Variants in RFTN1 observed in about 807,000 individuals in gnomAD.
RFTN1 encodes the protein raftlin.
RFTN1 carries 26 observed loss-of-function variants against 46.5 expected under a neutral mutation model. The ratio of observed to expected loss-of-function variants is 0.56; its 90% CI spans 0.41 to 0.78. RFTN1 has a LOEUF of 0.78. Ranked by LOEUF, RFTN1 falls within the 30% of genes least tolerant of loss-of-function variation. The probability of loss-of-function intolerance (pLI) is 0.00; values close to 1 mark genes in which losing one functional copy is unlikely to be tolerated. For synonymous variants in RFTN1, 261 were observed against 284.2 expected, an observed-to-expected ratio of 0.92 and a Z score of 0.82; for missense variants, 693 against 718.7, an observed-to-expected ratio of 0.96 and a Z score of 0.41.
At chr3:16,372,403 G>T (rs1219988931) in intron 5 of RFTN1, among the ~76,000 whole-genome samples, 1 of 152,194 alleles carries the variant, frequency 6.6e-6, no homozygotes, top group Non-Finnish European at 1.5e-5. Flanking sequence ...TCCCGAGAAT[G>T]GCTGCAGGTA....
Position 16,509,376 on chromosome 3 carries a change from C to A in RFTN1, c.-9+4066G>T, listed in dbSNP as rs1407572571. Reference sequence around the variant, plus strand: ...ATGTCACAGTCTCTTCCCTTAAGGTCTTAGAAAAATGAAAACGTGAACTTA... The same window carrying A: ...ATGTCACAGTCTCTTCCCTTAAGGTATTAGAAAAATGAAAACGTGAACTTA... On this transcript the variant is annotated intron_variant, in intron 1 of 9. Coordinates refer to ENST00000334133, the MANE Select transcript of RFTN1 (RefSeq NM_015150.2). This position sits in a 1 kb window ranked among gnomAD's most constrained non-coding sequence, Gnocchi z 4.9. 6.6e-6 allele frequency among the ~76,000 whole-genome samples: 1 copy of A among 152,154 alleles called. No individual in the cohort carries two copies. The highest frequency in any genetic ancestry group is 1.5e-5 in the Non-Finnish European group (1 of 68,026).
chr3:16,441,773 G>C (rs1366355558), intron 2 of RFTN1, among the ~76,000 whole-genome samples: 2 of 152,112 alleles, frequency 1.3e-5, no homozygotes, highest in Non-Finnish European at 2.9e-5. Flanking sequence ...CAATTCCCTC[G>C]GGAAATTTCC....
Position 16,377,810 on chromosome 3 carries a change from T to C in RFTN1, c.734A>G (p.Asp245Gly). 1 of 1,614,106 alleles carries C rather than the reference T, an allele frequency of 6.2e-7. No individual in the cohort carries two copies. Among genetic ancestry groups the C allele is most frequent in the South Asian group, 1.1e-5 (1 of 91,076 alleles). Residue 245 changes from aspartate to glycine, a missense_variant, in exon 5 of 10, where the codon GAT (aspartate) becomes GGT (glycine). Physicochemically the swap from Asp to Gly is moderately conservative, Grantham distance 94 (BLOSUM62 -1). Coordinates refer to ENST00000334133, the MANE Select transcript of RFTN1 (RefSeq NM_015150.2). ...CCCCTGTGGTGAAAGTTCTCCACCA[T>C]CTCCCTCTCCGGAGGGTGAGCTGGG... ...KQPSSPSGEG[D>G]GGELSPQGVS...
rs1173458707 is a variant in RFTN1, at chr3:16,345,824, GCGCGTGCGCGCA to G, written c.1146+12096_1146+12107del. On this transcript the variant is annotated intron_variant, in intron 7 of 9. Coordinates refer to ENST00000334133, the MANE Select transcript of RFTN1 (RefSeq NM_015150.2). This position sits in a 1 kb window ranked among gnomAD's most constrained non-coding sequence, Gnocchi z 5.2. ...TGTGTGTGTGTGTGTGTGTGCGCGC[GCGCGTGCGCGCA>G]CGCGCACATGTGCATGTGTATGTGT... Among the ~76,000 whole-genome samples, 1,025 of 73,062 alleles carry G rather than the reference GCGCGTGCGCGCA, an allele frequency of 0.014. 13 individuals are homozygous for G. Among genetic ancestry groups the G allele is most frequent in the Middle Eastern group, 0.033 (4 of 122 alleles). 47.9% of individuals were successfully genotyped at this position (73,062 alleles called of 152,430 possible).
In RFTN1 at chr3:16,376,268, C is replaced by T. The variant is rs1026067258; in HGVS notation, c.826+1450G>A. 6.6e-6 allele frequency among the ~76,000 whole-genome samples: 1 copy of T among 152,166 alleles called. No individual in the cohort carries two copies. Among genetic ancestry groups the T allele is most frequent in the African/African-American group, 2.4e-5 (1 of 41,440 alleles). Reference sequence around the variant, plus strand: ...CTTTAACCTTTCCATGAGAAACTATCGTTCTATCCCCATTTCAAAGGGTGA... The same window carrying T: ...CTTTAACCTTTCCATGAGAAACTATTGTTCTATCCCCATTTCAAAGGGTGA... On this transcript the variant is annotated intron_variant, in intron 5 of 9. Coordinates refer to ENST00000334133, the MANE Select transcript of RFTN1 (RefSeq NM_015150.2). The surrounding 1 kb of genome is among the most constrained non-coding windows in gnomAD (Gnocchi z 4.7).
At chr3:16,496,745 T>A (rs2076632111) in intron 1 of RFTN1, among the ~76,000 whole-genome samples, 1 of 152,132 alleles carries the variant, frequency 6.6e-6, no homozygotes, top group Non-Finnish European at 1.5e-5. Flanking sequence ...AACAGAAATG[T>A]GTACATATGG....
intron 6 of RFTN1, among the ~76,000 whole-genome samples, chr3:16,367,219 T>C (rs2073241245): frequency 6.6e-6 from 1 of 152,242 alleles, no homozygotes; most frequent in Non-Finnish European, 1.5e-5. Flanking sequence ...CTGCCAGCTT[T>C]ATTTGTAAGG....
intron 5 of RFTN1, among the ~76,000 whole-genome samples, chr3:16,373,783 G>A (rs1366710144): frequency 2.0e-5 from 3 of 152,200 alleles, no homozygotes; most frequent in Non-Finnish European, 4.4e-5. Context: ...CAAGCTGGGT[G>A]GGGACTGCAG....
chr3:16,392,753 G>C (rs149693548), intron 4 of RFTN1, among the ~76,000 whole-genome samples: 115 of 152,142 alleles, frequency 7.6e-4, no homozygotes, highest in African/African-American at 2.7e-3. Flanking sequence ...ATTTGTAAAT[G>C]AGTCTGCTGG....
rs1184268883 is a variant in RFTN1 at position 16,356,668 on chromosome 3, C to A, written c.1146+1264G>T. Among the ~76,000 whole-genome samples the A allele has an allele frequency of 6.6e-6, 1 of 152,202 alleles. No homozygotes were observed. Among genetic ancestry groups the A allele is most frequent in the African/African-American group, 2.4e-5 (1 of 41,464 alleles). ...AGTTCTGGCAGGCACAAGGGTGTGG[C>A]AAGCACTGGCTGTCTAGAGGGTCCC... is the stretch of plus-strand genomic sequence containing the variant. On this transcript the variant is annotated intron_variant, in intron 7 of 9. Transcript: ENST00000334133. This position sits in a 1 kb window ranked among gnomAD's most constrained non-coding sequence, Gnocchi z 4.9.
Position 16,384,250 on chromosome 3 carries a change from C to T in RFTN1, c.442-6148G>A, listed in dbSNP as rs1401404871. Among the ~76,000 whole-genome samples, 1 of 152,188 alleles carries T rather than the reference C, an allele frequency of 6.6e-6. No individual in the cohort carries two copies. On this transcript the variant is annotated intron_variant, in intron 4 of 9. Coordinates refer to ENST00000334133, the MANE Select transcript of RFTN1 (RefSeq NM_015150.2). The surrounding 1 kb of genome is among the most constrained non-coding windows in gnomAD (Gnocchi z 4.7). The stretch of plus-strand genomic sequence containing the variant: ...CCCTGCAGATGTCAGACTTGTTGGC[C>T]CCCACTATCACATGAGCCAGTTCCT...
intron 3 of RFTN1, among the ~76,000 whole-genome samples, chr3:16,415,393 T>G (rs2075053368): frequency 8.4e-6 from 1 of 119,406 alleles, no homozygotes; most frequent in Admixed American, 9.1e-5. Flanking sequence ...AGTTGAGATG[T>G]CTGGTAGACA....
chr3:16,417,973 C>T (rs1294711660), intron 3 of RFTN1, among the ~76,000 whole-genome samples: 1 of 152,170 alleles, frequency 6.6e-6, no homozygotes, highest in Non-Finnish European at 1.5e-5. Flanking sequence ...TCCCAAAGTT[C>T]TGGGATTACA....
chr3:16,469,923 C>T (rs2076166232), intron 2 of RFTN1, among the ~76,000 whole-genome samples: 1 of 152,196 alleles, frequency 6.6e-6, no homozygotes, highest in Admixed American at 6.5e-5. Context: ...TATGTTATCT[C>T]ATTTCACCCT....
chr3:16,336,731 A>G lies in RFTN1; in HGVS notation c.1147-9855T>C, dbSNP rs974154742. Among the ~76,000 whole-genome samples, 1 of 152,134 alleles carries G rather than the reference A, an allele frequency of 6.6e-6. No individual in the cohort carries two copies. The highest frequency in any genetic ancestry group is 2.4e-5 in the African/African-American group (1 of 41,416). On this transcript the variant is annotated intron_variant, in intron 7 of 9. Coordinates refer to ENST00000334133, the MANE Select transcript of RFTN1 (RefSeq NM_015150.2). The surrounding 1 kb of genome is among the most constrained non-coding windows in gnomAD (Gnocchi z 6.0). ...GGTCAGAGGAAAATACATGTAGTGC[A>G]TAAAAAGCTTCAGTTCTGAGACTCT...
At chr3:16,435,085 A>G (rs1319349148) in intron 2 of RFTN1, among the ~76,000 whole-genome samples, 1 of 152,242 alleles carries the variant, frequency 6.6e-6, no homozygotes, top group Admixed American at 6.5e-5. Flanking sequence ...TCTACATCCT[A>G]GCCCTATCCT....
chr3:16,354,672 G>A (rs759503857), intron 7 of RFTN1, among the ~76,000 whole-genome samples: 4 of 152,230 alleles, frequency 2.6e-5, no homozygotes, highest in Non-Finnish European at 5.9e-5. Flanking sequence ...CCTTGGTTTT[G>A]TCTTCTGAAT....
rs1034865035 is a variant in RFTN1, at chr3:16,421,760, C to T, written c.332+12091G>A. Among the ~76,000 whole-genome samples the T allele has an allele frequency of 7.9e-5, 12 of 152,136 alleles. No individual in the cohort carries two copies. The highest frequency in any genetic ancestry group is 2.4e-4 in the African/African-American group (10 of 41,430). On this transcript the variant is annotated intron_variant, in intron 3 of 9. Coordinates refer to ENST00000334133, the MANE Select transcript of RFTN1 (RefSeq NM_015150.2). The surrounding 1 kb of genome is among the most constrained non-coding windows in gnomAD (Gnocchi z 4.6). ...AGAGAAGGATTTTACATTTACATTA[C>T]GGGTATTCTCTTCAATCTGCAATCA...
At position 16,415,409 on chromosome 3, in the gene RFTN1, GTA is replaced by G. The variant is rs367960866; in HGVS notation, c.333-5928_333-5927del. Reference sequence around the variant, plus strand: ...GTTGAGATGTCTGGTAGACAGTTGAGTATATATATATATATATATATACACAC... The same window carrying G: ...GTTGAGATGTCTGGTAGACAGTTGAGTATATATATATATATATATACACAC... On this transcript the variant is annotated intron_variant, in intron 3 of 9. Transcript: ENST00000334133. 3.3e-3 allele frequency among the ~76,000 whole-genome samples: 344 copies of G among 104,204 alleles called. 8 individuals are homozygous for G. Among genetic ancestry groups the G allele is most frequent in the African/African-American group, 3.9e-3 (131 of 33,352 alleles). The allele number at this position is 104,204 out of a possible 152,430, so 68.4% of individuals were successfully genotyped here.
Sources: allele counts gnomAD v4.1 joint callset (sites outside exome capture counted in the v4.1 genomes callset), GRCh38; gene constraint gnomAD v4.1.1; non-coding constraint Gnocchi (gnomAD v3.1); transcripts MANE v1.5; gene names NCBI Gene and HGNC (gene_info 2026-07-23, HGNC 2026-07-21).